The following TRAPPC12 variants were observed in gnomAD, a reference collection of about 807,000 sequenced individuals.
TRAPPC12 encodes the protein TPR repeat protein 15.
In TRAPPC12, 61 loss-of-function variants were observed where a neutral mutation model predicts 69.2. The observed-to-expected ratio is 0.88, with a 90% CI of 0.72 to 1.09. The LOEUF is 1.09. Ranked by LOEUF, TRAPPC12 falls within the 50% of genes least tolerant of loss-of-function variation. The pLI is 0.00. For synonymous variants in TRAPPC12, 469 were observed against 438.9 expected (o/e 1.07, Z -0.86); for missense variants, 1,101 against 1,016.4 (o/e 1.08, Z -1.13).
intron 7 of TRAPPC12, chr2:3,457,915 G>A (rs1665254278): frequency 7.1e-7 from 1 of 1,409,462 alleles, no homozygotes; most frequent in South Asian, 1.6e-5. Flanking sequence ...CCTGCGCCCG[G>A]GGAGAAGACA....
intron 7 of TRAPPC12, 174 bp from the exon 8 acceptor site, chr2:3,460,089 G>A (rs1204113063): frequency 2.9e-6 from 2 of 688,390 alleles, no homozygotes; most frequent in African/African-American, 1.8e-5. Flanking sequence ...TGCGAGTGCT[G>A]TATTTTCTGC....
Position 3,424,596 on chromosome 2 carries a change from C to T in TRAPPC12, c.1350C>T (p.Pro450=). Residue 450 remains proline, a synonymous_variant, in exon 5 of 12, where the codon CCC becomes CCT. Coordinates refer to ENST00000324266, the MANE Select transcript of TRAPPC12 (RefSeq NM_016030.6). ...LFQNAEMEFE[P]FGNLDQPDLY... ...AGAATGCTGAGATGGAATTTGAACC[C>T]TTCGGAAATCTTGATCAGCCAGATC... 6.2e-7 allele frequency: 1 copy of T among 1,614,066 alleles called. No homozygotes were observed. The highest frequency in any genetic ancestry group is 8.5e-7 in the Non-Finnish European group (1 of 1,180,008).
chr2:3,411,503 A>C (rs566254518), intron 3 of TRAPPC12, among the ~76,000 whole-genome samples: 3 of 152,348 alleles, frequency 2.0e-5, no homozygotes, highest in African/African-American at 7.2e-5. Context: ...GTCCTTTTAC[A>C]TTTTAGTGTA....
intron 3 of TRAPPC12, among the ~76,000 whole-genome samples, chr2:3,406,370 G>A (rs926553885): frequency 6.6e-5 from 10 of 152,112 alleles, no homozygotes; most frequent in African/African-American, 1.7e-4. Flanking sequence ...TCTTCCCCAC[G>A]TTCTTTACCG....
intron 3 of TRAPPC12, among the ~76,000 whole-genome samples, chr2:3,417,376 A>T (rs999709251): frequency 6.6e-6 from 1 of 151,580 alleles, no homozygotes; most frequent in Non-Finnish European, 1.5e-5. Flanking sequence ...GGGCCAGGTG[A>T]TGCAGCGTCT....
rs368042343 is a variant in TRAPPC12 at position 3,468,640 on chromosome 2, C to T, written c.1776+2945C>T. 6.6e-5 allele frequency among the ~76,000 whole-genome samples: 10 copies of T among 152,274 alleles called. 2 individuals are homozygous for T. Among genetic ancestry groups the T allele is most frequent in the Admixed American group, 3.3e-4 (5 of 15,308 alleles). ...GCATTCCCAGGTCTCAGCAAAAGTA[C>T]GTGTGCTCAGAATTGCCCTTGGAAG... On this transcript the variant is annotated intron_variant, in intron 9 of 11. Transcript: ENST00000324266.
chr2:3,478,822 CTGCCACCGT>C lies in TRAPPC12; in HGVS notation c.1878-20_1878-12del. On this transcript the variant is annotated splice_polypyrimidine_tract_variant and intron_variant, in intron 10 of 11. Transcript: ENST00000324266. ...GCAGCTCCTGGGCTTTCCCCGCTAA[CTGCCACCGT>C]TGCTTGTGTTACAGCGCGTTCCTTC... 2.5e-6 allele frequency: 4 copies of C among 1,611,210 alleles called. No homozygotes were observed. Among genetic ancestry groups the C allele is most frequent in the Non-Finnish European group, 3.4e-6 (4 of 1,177,686 alleles).
chr2:3,398,827 G>A (rs1251930973), intron 2 of TRAPPC12, among the ~76,000 whole-genome samples: 3 of 152,196 alleles, frequency 2.0e-5, no homozygotes, highest in Non-Finnish European at 4.4e-5. Context: ...TGTTTCCTTC[G>A]TGTTCCCTGA....
At chr2:3,419,642 CAAA>C (rs35364043) in intron 3 of TRAPPC12, among the ~76,000 whole-genome samples, 4 of 111,312 alleles carry the variant, frequency 3.6e-5, no homozygotes, top group Admixed American at 2.9e-4. Flanking sequence ...TCCTCATTTC[CAAA>C]AAAAAAAAAA....
chr2:3,390,544 ATATT>A (rs1660764754), intron 2 of TRAPPC12, among the ~76,000 whole-genome samples: 1 of 152,222 alleles, frequency 6.6e-6, no homozygotes, highest in Admixed American at 6.5e-5. Context: ...TTGCAATGGA[ATATT>A]TATGTAAGTT....
chr2:3,438,460 C>T (rs1426947419), intron 5 of TRAPPC12, among the ~76,000 whole-genome samples: 1 of 147,548 alleles, frequency 6.8e-6, no homozygotes, highest in South Asian at 2.2e-4. Context: ...CCCCATCACC[C>T]CTGGATTAAT....
intron 3 of TRAPPC12, among the ~76,000 whole-genome samples, chr2:3,418,124 G>A (rs1397683830): frequency 6.6e-6 from 1 of 151,842 alleles, no homozygotes; most frequent in Non-Finnish European, 1.5e-5. Context: ...ACTCTGGGAG[G>A]CTGAGGTGAG....
At chr2:3,416,960 C>T (rs1406022680) in intron 3 of TRAPPC12, among the ~76,000 whole-genome samples, 1 of 150,286 alleles carries the variant, frequency 6.7e-6, no homozygotes, top group Non-Finnish European at 1.5e-5. Context: ...TCCTGGGCTG[C>T]AGGGCAGATG....
chr2:3,419,982 A>G (rs1051125721), intron 3 of TRAPPC12, among the ~76,000 whole-genome samples: 1 of 152,246 alleles, frequency 6.6e-6, no homozygotes, highest in African/African-American at 2.4e-5. Flanking sequence ...ACTCTTAGGT[A>G]CAACCCAGCA....
intron 4 of TRAPPC12, among the ~76,000 whole-genome samples, chr2:3,423,102 C>G (rs925148289): frequency 4.6e-5 from 7 of 152,156 alleles, no homozygotes; most frequent in African/African-American, 1.7e-4. Flanking sequence ...GGTGACCTCC[C>G]TAGAGCCAGG....
At chr2:3,458,374 G>A (rs1212733246) in intron 7 of TRAPPC12, 14 of 985,710 alleles carry the variant, frequency 1.4e-5, no homozygotes, top group South Asian at 4.7e-5. Context: ...CCACAGGCCT[G>A]GTGGCCTGGT....
intron 5 of TRAPPC12, among the ~76,000 whole-genome samples, chr2:3,440,745 AG>A (rs1172746862): frequency 1.3e-5 from 2 of 152,166 alleles, no homozygotes; most frequent in African/African-American, 2.4e-5. Flanking sequence ...TCATGATCTT[AG>A]GGGGAAGTCA....
At chr2:3,395,998 G>C (rs185274047) in intron 2 of TRAPPC12, among the ~76,000 whole-genome samples, 2 of 152,270 alleles carry the variant, frequency 1.3e-5, no homozygotes, top group Non-Finnish European at 2.9e-5. Flanking sequence ...CCAAAGTGCT[G>C]GAATGACAGG....
chr2:3,395,560 C>T (rs1242898068), intron 2 of TRAPPC12, among the ~76,000 whole-genome samples: 5 of 118,126 alleles, frequency 4.2e-5, no homozygotes, highest in South Asian at 2.9e-4. Flanking sequence ...AAAATTATTA[C>T]TTTTTTTTTT....
Sources: allele counts gnomAD v4.1 joint callset (sites outside exome capture counted in the v4.1 genomes callset), GRCh38; gene constraint gnomAD v4.1.1; transcripts MANE v1.5; gene names NCBI Gene and HGNC (gene_info 2026-07-23, HGNC 2026-07-21).